Variants in TET3 observed in about 807,000 individuals in gnomAD.
TET3 encodes methylcytosine dioxygenase TET3.
Under a neutral mutation model 141.4 loss-of-function variants are expected in TET3, and 19 were observed. The observed-to-expected ratio is 0.13, with a 90% CI of 0.09 to 0.20. TET3 has a LOEUF of 0.20. Among genes scored for constraint, TET3 ranks in the 10% least tolerant of loss-of-function variants. The probability of loss-of-function intolerance (pLI) is 1.00; values close to 1 mark genes in which losing one functional copy is unlikely to be tolerated. For synonymous variants in TET3, 1,043 were observed against 980.9 expected (o/e 1.06, Z -1.18); for missense variants, 1,874 against 2,356.9 (o/e 0.80, Z 4.24).
intron 3 of TET3, among the ~76,000 whole-genome samples, chr2:74,037,385 G>C (rs1687127301): frequency 6.6e-6 from 1 of 152,256 alleles, no homozygotes; most frequent in African/African-American, 2.4e-5. Flanking sequence ...GAAGGAATTA[G>C]CTTTGTAAGG....
chr2:74,070,161 C>T (rs7587991), intron 4 of TET3, among the ~76,000 whole-genome samples: 46,072 of 151,970 alleles, frequency 0.3, 7,444 homozygotes, highest in African/African-American at 0.4. Context: ...CTGTATTCTG[C>T]TGTATTAGTC....
chr2:74,011,456 A>T (rs1685430443), intron 3 of TET3, among the ~76,000 whole-genome samples: 1 of 152,212 alleles, frequency 6.6e-6, no homozygotes, highest in Admixed American at 6.5e-5. Context: ...TTGGGCCTAG[A>T]GGGCTTCAGC....
chr2:74,051,251 T>G (rs1198968362), intron 4 of TET3, among the ~76,000 whole-genome samples: 2 of 152,206 alleles, frequency 1.3e-5, no homozygotes, highest in Non-Finnish European at 2.9e-5. Flanking sequence ...TTGTAGGCAG[T>G]GAGCAAAAAT....
chr2:74,076,466 T>G lies in TET3; in HGVS notation c.2585+2827T>G, dbSNP rs1050662877. Among the ~76,000 whole-genome samples, 136 of 142,366 alleles carry G rather than the reference T, an allele frequency of 9.6e-4. 1 individual carries two copies. The highest frequency in any genetic ancestry group is 3.0e-3 in the African/African-American group (109 of 36,866). 93.4% of individuals were successfully genotyped at this position (142,366 alleles called of 152,430 possible). On this transcript the variant is annotated intron_variant, in intron 5 of 11. Coordinates refer to ENST00000409262, the MANE Select transcript of TET3 (RefSeq NM_001287491.2). ...GTTTTTTTTTTTTTTTTTTTTTTTT[T>G]TTTTGTCTATTTTATTTTGTTTTGT...
chr2:74,038,109 G>A (rs1443765988), intron 3 of TET3, among the ~76,000 whole-genome samples: 1 of 152,182 alleles, frequency 6.6e-6, no homozygotes, highest in Admixed American at 6.5e-5. Context: ...GCACTGTAGA[G>A]GAGGAGGCAG....
chr2:74,054,570 A>G (rs966642188), intron 4 of TET3, among the ~76,000 whole-genome samples: 1 of 152,196 alleles, frequency 6.6e-6, no homozygotes, highest in African/African-American at 2.4e-5. Context: ...GTAACTGAAA[A>G]TGTTCAGTCC....
upstream of TET3, among the ~76,000 whole-genome samples, chr2:73,984,662 G>A (rs1483375187): frequency 3.3e-5 from 5 of 151,856 alleles, no homozygotes; most frequent in Admixed American, 2.6e-4. The surrounding 1 kb of genome is among the most constrained non-coding windows in gnomAD (Gnocchi z 5.6). Flanking sequence ...GGGGGCGGCC[G>A]CCTCCCGGGA....
the TET3 span, among the ~76,000 whole-genome samples, chr2:74,125,525 G>A: frequency 3.3e-5 from 5 of 152,110 alleles, no homozygotes; most frequent in African/African-American, 1.2e-4. Flanking sequence ...TTACAACTGT[G>A]TCATTTGAAA....
At chr2:74,009,373 GA>G in intron 3 of TET3, among the ~76,000 whole-genome samples, 1 of 152,184 alleles carries the variant, frequency 6.6e-6, no homozygotes, top group South Asian at 2.1e-4. Flanking sequence ...GTTCTCCCTT[GA>G]GTGTGACCCT....
chr2:73,987,222 T>C (rs1684077366), intron 2 of TET3, among the ~76,000 whole-genome samples: 1 of 152,160 alleles, frequency 6.6e-6, no homozygotes, highest in Admixed American at 6.5e-5. Context: ...GACGAACTGA[T>C]GTTTTGGGTT....
At chr2:74,069,007 T>G (rs1689054562) in intron 4 of TET3, among the ~76,000 whole-genome samples, 1 of 152,230 alleles carries the variant, frequency 6.6e-6, no homozygotes, top group African/African-American at 2.4e-5. Flanking sequence ...AAAGTTTTTC[T>G]TCAGTTGATT....
At chr2:73,993,770 C>G (rs1684444994) in intron 2 of TET3, 1 of 152,144 alleles carries the variant, frequency 6.6e-6, no homozygotes, top group African/African-American at 2.4e-5. Flanking sequence ...GTTCTGACAA[C>G]AGTCAGGAAA....
At chr2:73,990,508 C>A (rs998358216) in intron 2 of TET3, among the ~76,000 whole-genome samples, 2 of 151,996 alleles carry the variant, frequency 1.3e-5, no homozygotes, top group Non-Finnish European at 2.9e-5. Flanking sequence ...TCACTATGGT[C>A]CTAGGCCTGA....
At position 74,087,795 on chromosome 2, in the gene TET3, C is replaced by G; in HGVS notation, c.2680-35C>G. ...GCACCATGCAGAGGAGCACGGGTAC[C>G]TGGCTCCTGCCCCTCACACCCTGCG... On this transcript the variant is annotated intron_variant, in intron 6 of 11. Transcript: ENST00000409262. This position sits in a 1 kb window ranked among gnomAD's most constrained non-coding sequence, Gnocchi z 4.3. 1 of 1,521,500 alleles carries G rather than the reference C, an allele frequency of 6.6e-7. No individual in the cohort carries two copies. Among genetic ancestry groups the G allele is most frequent in the Non-Finnish European group, 8.9e-7 (1 of 1,129,238 alleles). The allele number at this position is 1,521,500 out of a possible 1,614,324, so 94.2% of individuals were successfully genotyped here.
At chr2:74,089,290 A>T (rs1006743609) in intron 7 of TET3, among the ~76,000 whole-genome samples, 1 of 152,200 alleles carries the variant, frequency 6.6e-6, no homozygotes, top group Middle Eastern at 3.4e-3. Context: ...TCCATTGAAC[A>T]TAGTGTTTTC....
chr2:73,985,577 C>T (rs368220270), intron 1 of TET3, among the ~76,000 whole-genome samples: 9 of 150,008 alleles, frequency 6.0e-5, no homozygotes, highest in Non-Finnish European at 8.9e-5. Context: ...GCTTCCGTGC[C>T]GGGGGCGCCG....
rs539747816 is a variant in TET3, at chr2:74,046,123, A to G, written c.361-155A>G. 1.8e-4 allele frequency among the ~76,000 whole-genome samples: 27 copies of G among 152,374 alleles called. 1 individual carries two copies. In the South Asian group the frequency reaches 5.4e-3, roughly 30 times the overall value. ...TGAAGCTCCCTAGGGAACCAGAGAC[A>G]TGGGAAGATGAATTGGAGGCTCAAG... is the stretch of plus-strand genomic sequence containing the variant. On this transcript the variant is annotated intron_variant, in intron 3 of 11. Transcript: ENST00000409262. This position sits in a 1 kb window ranked among gnomAD's most constrained non-coding sequence, Gnocchi z 4.3.
chr2:74,118,112 A>C, the TET3 span, among the ~76,000 whole-genome samples: 1 of 152,262 alleles, frequency 6.6e-6, no homozygotes, highest in Non-Finnish European at 1.5e-5. Flanking sequence ...TGTGACGCTA[A>C]TCATCTCCAC....
intron 2 of TET3, among the ~76,000 whole-genome samples, chr2:73,993,918 G>A (rs1684452541): frequency 6.6e-6 from 1 of 152,138 alleles, no homozygotes; most frequent in Admixed American, 6.5e-5. Flanking sequence ...CAATCTGGAA[G>A]CTTATGGAGC....
Sources: gnomAD v4.1 joint callset for allele counts (sites outside exome capture counted in the v4.1 genomes callset) on GRCh38, gnomAD v4.1.1 for gene constraint, Gnocchi (gnomAD v3.1) non-coding constraint, MANE v1.5 for transcripts, NCBI Gene and HGNC (gene_info 2026-07-23, HGNC 2026-07-21) for gene names.